Variants in CDK19 observed in about 807,000 individuals in gnomAD.
CDK19 encodes the protein cyclin-dependent kinase 19.
CDK19 carries 20 observed loss-of-function variants against 68.3 expected under a neutral mutation model. The ratio of observed to expected loss-of-function variants is 0.29; its 90% CI spans 0.21 to 0.43. The LOEUF (loss-of-function observed/expected upper bound fraction) is 0.43, where lower values mean the gene tolerates loss of function less well. CDK19 is among the 20% of genes least tolerant of loss of function. CDK19 has a pLI of 1.00. For synonymous variants in CDK19, 221 were observed against 222.8 expected, an observed-to-expected ratio of 0.99 and a Z score of 0.07; for missense variants, 339 against 623.5, an observed-to-expected ratio of 0.54 and a Z score of 4.86.
chr6:110,695,597 G>C (rs1446388117), intron 2 of CDK19, among the ~76,000 whole-genome samples: 1 of 152,004 alleles, frequency 6.6e-6, no homozygotes, highest in Non-Finnish European at 1.5e-5. Flanking sequence ...TAGACCATTA[G>C]CAAGATTAAC....
At chr6:110,631,701 A>G (rs944614197) in intron 6 of CDK19, among the ~76,000 whole-genome samples, 9 of 152,226 alleles carry the variant, frequency 5.9e-5, no homozygotes, top group African/African-American at 2.2e-4. Context: ...TTTTGTGAAG[A>G]AAACAATTCT....
At chr6:110,651,961 C>A (rs937416907) in intron 4 of CDK19, among the ~76,000 whole-genome samples, 1 of 151,944 alleles carries the variant, frequency 6.6e-6, no homozygotes, top group Non-Finnish European at 1.5e-5. Flanking sequence ...GAACAAGAGT[C>A]GATGAAAGAT....
chr6:110,781,882 T>C (rs931218087), intron 1 of CDK19, among the ~76,000 whole-genome samples: 4 of 151,848 alleles, frequency 2.6e-5, no homozygotes, highest in Non-Finnish European at 5.9e-5. Flanking sequence ...AATCAGCTCT[T>C]ACTTTAGAGT....
intron 4 of CDK19, among the ~76,000 whole-genome samples, chr6:110,644,024 T>C (rs1271953307): frequency 2.6e-5 from 4 of 152,098 alleles, no homozygotes; most frequent in Non-Finnish European, 5.9e-5. Context: ...CCAGGCGCAG[T>C]GGCTCATACC....
rs117194092 is a variant in CDK19 at position 110,737,354 on chromosome 6, G to T, written c.204+8772C>A. On this transcript the variant is annotated intron_variant, in intron 2 of 12. Coordinates refer to ENST00000368911, the MANE Select transcript of CDK19 (RefSeq NM_015076.5). The stretch of plus-strand genomic sequence containing the variant: ...GAACAAAACCCCAGAAACCTGTATG[G>T]CCCACCTCTTTTCTATTACTGGCAA... 4.7e-4 allele frequency among the ~76,000 whole-genome samples: 71 copies of T among 152,248 alleles called. No individual in the cohort carries two copies. In the East Asian group the frequency reaches 0.013, roughly 28 times the overall value.
chr6:110,691,223 C>T (rs772096948), intron 2 of CDK19, among the ~76,000 whole-genome samples: 29 of 152,038 alleles, frequency 1.9e-4, no homozygotes, highest in Admixed American at 7.2e-4. Flanking sequence ...ACCTGTAATC[C>T]CAGCACTCTG....
chr6:110,698,386 T>C (rs1424373902), intron 2 of CDK19, among the ~76,000 whole-genome samples: 5 of 150,868 alleles, frequency 3.3e-5, no homozygotes, highest in Non-Finnish European at 5.9e-5. Flanking sequence ...ATACAAATGG[T>C]CAATAAATAT....
rs574398049 is a variant in CDK19 at position 110,719,864 on chromosome 6, G to A, written c.204+26262C>T. Among the ~76,000 whole-genome samples, 327 of 152,102 alleles carry A rather than the reference G, an allele frequency of 2.1e-3. 3 individuals are homozygous for A. The highest frequency in any genetic ancestry group is 7.6e-3 in the African/African-American group (316 of 41,522). On this transcript the variant is annotated intron_variant, in intron 2 of 12. Coordinates refer to ENST00000368911, the MANE Select transcript of CDK19 (RefSeq NM_015076.5). The stretch of plus-strand genomic sequence containing the variant: ...TCCTGCCTCAGACTCCTGAGTAGCT[G>A]GGATTACAGGCATGCGCCACCATGT...
At chr6:110,705,590 G>A (rs1774400518) in intron 2 of CDK19, among the ~76,000 whole-genome samples, 1 of 152,130 alleles carries the variant, frequency 6.6e-6, no homozygotes, top group African/African-American at 2.4e-5. Context: ...GCTATTTAAG[G>A]CACAGGATTA....
chr6:110,630,138 G>A (rs750187844), intron 6 of CDK19, among the ~76,000 whole-genome samples: 1 of 152,206 alleles, frequency 6.6e-6, no homozygotes, highest in Non-Finnish European at 1.5e-5. Context: ...GCATGGACCC[G>A]CTGTGTTAGC....
chr6:110,672,484 G>A (rs1013366581), intron 2 of CDK19, among the ~76,000 whole-genome samples: 4 of 152,118 alleles, frequency 2.6e-5, no homozygotes, highest in African/African-American at 9.7e-5. Flanking sequence ...TAAAAAATTT[G>A]TTTTGACTAG....
At chr6:110,670,286 A>C (rs1370060685) in intron 3 of CDK19, 145 bp downstream of exon 3, 1 of 476,388 alleles carries the variant, frequency 2.1e-6, no homozygotes, top group Admixed American at 3.8e-5. Context: ...AAATTCTTCA[A>C]AATCAACATT....
chr6:110,711,829 G>C, intron 2 of CDK19, among the ~76,000 whole-genome samples: 1 of 152,300 alleles, frequency 6.6e-6, no homozygotes, highest in Non-Finnish European at 1.5e-5. Flanking sequence ...TTAACCGGGC[G>C]TGGTGGCGGG....
intron 5 of CDK19, 114 bp downstream of exon 5, chr6:110,638,535 A>C: frequency 1.5e-6 from 1 of 664,854 alleles, no homozygotes. Flanking sequence ...TTTTCTAAAA[A>C]TAATGAGAAA....
At chr6:110,723,151 C>CCA (rs1776055583) in intron 2 of CDK19, among the ~76,000 whole-genome samples, 1 of 132,236 alleles carries the variant, frequency 7.6e-6, no homozygotes, top group Non-Finnish European at 1.5e-5. Flanking sequence ...AAACAAAAAA[C>CCA]AAAAAAAAAA....
At chr6:110,731,162 T>TAGA (rs1776732096) in intron 2 of CDK19, among the ~76,000 whole-genome samples, 3 of 150,516 alleles carry the variant, frequency 2.0e-5, no homozygotes, top group African/African-American at 7.4e-5. Flanking sequence ...GAAAAGAAAT[T>TAGA]AATTTAGAAT....
At chr6:110,715,134 C>A (rs1775273347) in intron 2 of CDK19, among the ~76,000 whole-genome samples, 1 of 152,088 alleles carries the variant, frequency 6.6e-6, no homozygotes, top group South Asian at 2.1e-4. Context: ...TTCTTGAATT[C>A]TTCAAGTCTG....
intron 2 of CDK19, among the ~76,000 whole-genome samples, chr6:110,744,010 C>CTT (rs1562252582): frequency 3.4e-5 from 3 of 88,072 alleles, no homozygotes; most frequent in East Asian, 4.8e-4. Context: ...TACCTCCCCA[C>CTT]GTTTTTTTTT....
chr6:110,772,993 A>C (rs1780139612), intron 1 of CDK19, among the ~76,000 whole-genome samples: 2 of 148,340 alleles, frequency 1.3e-5, no homozygotes, highest in African/African-American at 5.0e-5. Flanking sequence ...AGGCGGGCAG[A>C]TCGCTTGAGC....
Sources: gnomAD v4.1 joint callset for allele counts (sites outside exome capture counted in the v4.1 genomes callset) on GRCh38, gnomAD v4.1.1 for gene constraint, MANE v1.5 for transcripts, NCBI Gene and HGNC (gene_info 2026-07-23, HGNC 2026-07-21) for gene names.